DCC: variants seen among roughly 807,000 people sequenced by gnomAD.
The protein encoded by DCC is netrin receptor DCC.
Under a neutral mutation model 172.5 loss-of-function variants are expected in DCC, and 58 were observed. That is an observed-to-expected ratio of 0.34 (90% confidence interval 0.27 to 0.42). The LOEUF (loss-of-function observed/expected upper bound fraction) is 0.42. DCC is among the 10% of genes least tolerant of loss of function. The pLI, the probability that DCC is intolerant of heterozygous loss-of-function variation, is 1.00. For missense variants in DCC, 1,740 were observed against 1,791.0 expected, an observed-to-expected ratio of 0.97 and a Z score of 0.51; for synonymous variants, 709 against 644.5, an observed-to-expected ratio of 1.10 and a Z score of -1.52.
At chr18:52,942,525 T>C (rs2040480159) in intron 5 of DCC, among the ~76,000 whole-genome samples, 1 of 152,202 alleles carries the variant, frequency 6.6e-6, no homozygotes, top group Non-Finnish European at 1.5e-5. Context: ...AGAGGTTTAA[T>C]TGGACTTACA....
chr18:53,224,878 A>G (rs2055999479), intron 12 of DCC, among the ~76,000 whole-genome samples: 1 of 152,190 alleles, frequency 6.6e-6, no homozygotes, highest in Non-Finnish European at 1.5e-5. Context: ...ACAAGTTGGT[A>G]TATGATAATA....
chr18:53,513,710 CAAAG>C (rs1486634706), intron 27 of DCC, among the ~76,000 whole-genome samples: 1 of 151,488 alleles, frequency 6.6e-6, no homozygotes, highest in Non-Finnish European at 1.5e-5. Context: ...TCAAAAGAGA[CAAAG>C]AAGACCATTA....
chr18:53,237,821 T>G (rs1314898111), intron 12 of DCC, among the ~76,000 whole-genome samples: 1 of 152,188 alleles, frequency 6.6e-6, no homozygotes, highest in Non-Finnish European at 1.5e-5. Flanking sequence ...CAAACCGAGC[T>G]GCTGGCATTA....
chr18:52,767,675 G>C (rs1361275999), intron 2 of DCC, among the ~76,000 whole-genome samples: 3 of 152,084 alleles, frequency 2.0e-5, no homozygotes, highest in Admixed American at 6.5e-5. Context: ...TTTTTCCCAA[G>C]TCTTATTTTT....
intron 1 of DCC, among the ~76,000 whole-genome samples, chr18:52,390,348 C>T (rs976637053): frequency 2.6e-5 from 4 of 152,044 alleles, no homozygotes; most frequent in East Asian, 1.9e-4. Context: ...TTCTGTCAAT[C>T]GTCTGGTGAG....
intron 2 of DCC, among the ~76,000 whole-genome samples, chr18:52,804,741 G>A (rs564203465): frequency 1.3e-5 from 2 of 152,198 alleles, no homozygotes; most frequent in African/African-American, 2.4e-5. Context: ...GTGCCACCAA[G>A]CCCAGCTAAT....
At chr18:53,098,400 C>G (rs1461005527) in intron 7 of DCC, among the ~76,000 whole-genome samples, 1 of 152,056 alleles carries the variant, frequency 6.6e-6, no homozygotes, top group African/African-American at 2.4e-5. Context: ...TTCCTATTTT[C>G]TAGTTTCTTT....
At chr18:52,763,182 T>C (rs2037190705) in intron 2 of DCC, among the ~76,000 whole-genome samples, 1 of 152,230 alleles carries the variant, frequency 6.6e-6, no homozygotes, top group Non-Finnish European at 1.5e-5. Flanking sequence ...TGAAACAGGC[T>C]GCTCATCAGG....
chr18:53,407,890 A>G (rs2145049296), intron 19 of DCC, among the ~76,000 whole-genome samples: 1 of 152,206 alleles, frequency 6.6e-6, no homozygotes, highest in South Asian at 2.1e-4. Context: ...GAGACAGAAA[A>G]CAACTCCTTT....
intron 5 of DCC, among the ~76,000 whole-genome samples, chr18:53,006,363 T>C (rs1023615870): frequency 6.6e-6 from 1 of 152,118 alleles, no homozygotes; most frequent in Non-Finnish European, 1.5e-5. Context: ...CCCATTCCTC[T>C]CCTCTGGGTC....
chr18:52,918,487 T>C (rs985287840), intron 3 of DCC, among the ~76,000 whole-genome samples: 1 of 152,134 alleles, frequency 6.6e-6, no homozygotes, highest in Non-Finnish European at 1.5e-5. Context: ...TGTTAGTCAT[T>C]AACTTTTATA....
At chr18:52,391,020 TTG>T (rs1358018309) in intron 1 of DCC, among the ~76,000 whole-genome samples, 1 of 152,118 alleles carries the variant, frequency 6.6e-6, no homozygotes, top group African/African-American at 2.4e-5. Flanking sequence ...AGATTTTTTT[TTG>T]TGTGTGTATG....
chr18:52,525,178 T>A (rs2031943760), intron 1 of DCC, among the ~76,000 whole-genome samples: 1 of 152,174 alleles, frequency 6.6e-6, no homozygotes, highest in Non-Finnish European at 1.5e-5. Flanking sequence ...AAGCTGTCTC[T>A]GTGGTCCTGA....
intron 1 of DCC, among the ~76,000 whole-genome samples, chr18:52,603,777 T>TA (rs1829961766): frequency 6.6e-6 from 1 of 151,962 alleles, no homozygotes; most frequent in African/African-American, 2.4e-5. Flanking sequence ...AGAGAAAACC[T>TA]AAAAAGAAGA....
At chr18:53,036,582 A>C (rs919305497) in intron 5 of DCC, among the ~76,000 whole-genome samples, 2 of 152,052 alleles carry the variant, frequency 1.3e-5, no homozygotes, top group African/African-American at 4.8e-5. Flanking sequence ...CAATACAGTA[A>C]AACTGACTTC....
At chr18:52,529,166 C>A (rs2032072538) in intron 1 of DCC, among the ~76,000 whole-genome samples, 1 of 152,126 alleles carries the variant, frequency 6.6e-6, no homozygotes, top group African/African-American at 2.4e-5. Context: ...TATGCAATAG[C>A]AAAAATTAAG....
intron 21 of DCC, among the ~76,000 whole-genome samples, chr18:53,427,720 G>A (rs1218670256): frequency 2.8e-5 from 4 of 143,490 alleles, no homozygotes; most frequent in African/African-American, 1.0e-4. Flanking sequence ...TTCAGTTTTT[G>A]TCCACTCTCC....
intron 7 of DCC, among the ~76,000 whole-genome samples, chr18:53,128,025 T>G (rs1217145001): frequency 3.9e-5 from 6 of 152,132 alleles, no homozygotes; most frequent in African/African-American, 1.4e-4. Context: ...TAACCTCAGA[T>G]TCTTTACTTG....
chr18:53,174,785 C>T (rs1258998380), intron 8 of DCC, among the ~76,000 whole-genome samples: 2,414 of 150,740 alleles, frequency 0.016, 76 homozygotes, highest in African/African-American at 0.056. Context: ...GAAACTATTC[C>T]AATCAATAGA....
Sources: gnomAD v4.1 joint callset for allele counts (sites outside exome capture counted in the v4.1 genomes callset) on GRCh38, gnomAD v4.1.1 for gene constraint, MANE v1.5 for transcripts, NCBI Gene and HGNC (gene_info 2026-07-23, HGNC 2026-07-21) for gene names.